The following EBF3 variants were observed in gnomAD, a reference collection of about 807,000 sequenced individuals.
The protein encoded by EBF3 is EBF transcription factor 3, also known as transcription factor COE3.
Under a neutral mutation model 77.1 loss-of-function variants are expected in EBF3, and 18 were observed. That is an observed-to-expected ratio of 0.23 (90% confidence interval 0.16 to 0.35). The LOEUF is 0.35. Ranked by LOEUF, EBF3 falls within the 10% of genes least tolerant of loss-of-function variation. EBF3 has a pLI of 1.00. For missense variants in EBF3, 558 were observed against 860.0 expected, an observed-to-expected ratio of 0.65 and a Z score of 4.39; for synonymous variants, 350 against 343.5, an observed-to-expected ratio of 1.02 and a Z score of -0.21.
intron 6 of EBF3, among the ~76,000 whole-genome samples, chr10:129,880,909 C>A (rs77795788): frequency 0.026 from 3,945 of 152,234 alleles, 180 homozygotes; most frequent in African/African-American, 0.088. Context: ...ACACACGGAG[C>A]AAATGTATGC....
At chr10:129,887,999 G>T (rs1011473281) in intron 6 of EBF3, among the ~76,000 whole-genome samples, 1 of 152,174 alleles carries the variant, frequency 6.6e-6, no homozygotes, top group Non-Finnish European at 1.5e-5. Flanking sequence ...CTCGTGGTTT[G>T]CTTATTTTTC....
Position 129,861,410 on chromosome 10 carries a change from A to T in EBF3, c.1039+5731T>A, listed in dbSNP as rs542553053. On this transcript the variant is annotated intron_variant, in intron 10 of 16. Transcript: ENST00000440978. This position sits in a 1 kb window ranked among gnomAD's most constrained non-coding sequence, Gnocchi z 4.3. ...GCGTCAGGAGAAGTTGTGTTGTTGGAGTCACGCATTATCTTGTGATTATCC... is the reference window on the plus strand; with the variant it reads ...GCGTCAGGAGAAGTTGTGTTGTTGGTGTCACGCATTATCTTGTGATTATCC... 5.3e-5 allele frequency among the ~76,000 whole-genome samples: 8 copies of T among 152,336 alleles called. No homozygotes were observed. The highest frequency in any genetic ancestry group is 1.2e-4 in the Non-Finnish European group (8 of 68,026).
At chr10:129,850,046 C>G (rs1305394142) in intron 10 of EBF3, among the ~76,000 whole-genome samples, 2 of 152,260 alleles carry the variant, frequency 1.3e-5, no homozygotes, top group Non-Finnish European at 2.9e-5. Flanking sequence ...GGCGCGTGCG[C>G]AGTCGCCCAG....
intron 6 of EBF3, among the ~76,000 whole-genome samples, chr10:129,945,659 C>T (rs563942681): frequency 7.1e-4 from 108 of 152,314 alleles, no homozygotes; most frequent in Middle Eastern, 3.4e-3. Context: ...AACCATGCGT[C>T]CAATCTGCGA....
rs1301245427 is a variant in EBF3 at position 129,964,118 on chromosome 10, G to T, written c.-350C>A. The T allele has an allele frequency of 1.0e-6, 1 of 984,908 alleles. No homozygotes were observed. The highest frequency in any genetic ancestry group is 1.7e-5 in the African/African-American group (1 of 57,194). The allele number at this position is 984,908 out of a possible 1,614,324, so 61.0% of individuals were successfully genotyped here. A position where few individuals can be genotyped will look rare whatever the true frequency, so the allele number is the denominator to read the frequency against. On this transcript the variant is annotated 5_prime_UTR_variant, in exon 1 of 17. Coordinates refer to ENST00000440978, the MANE Select transcript of EBF3 (RefSeq NM_001375380.1). This position sits in a 1 kb window ranked among gnomAD's most constrained non-coding sequence, Gnocchi z 4.5. Reference sequence around the variant, plus strand: ...CGCGGCTGCAGGACACTGCGGGATCGCCCGCTTCTGGCGCGGCCCGCCTGC... The same window carrying T: ...CGCGGCTGCAGGACACTGCGGGATCTCCCGCTTCTGGCGCGGCCCGCCTGC...
At chr10:129,838,459 AC>A (rs1246431988) in intron 16 of EBF3, among the ~76,000 whole-genome samples, 17 of 152,232 alleles carry the variant, frequency 1.1e-4, no homozygotes, top group African/African-American at 4.1e-4. Flanking sequence ...CTGGGCTCTG[AC>A]CGTGCGGTCA....
Position 129,842,012 on chromosome 10 carries a change from C to G in EBF3, c.1372+104G>C. The G allele has an allele frequency of 6.9e-7, 1 of 1,452,646 alleles. No individual in the cohort carries two copies. The highest frequency in any genetic ancestry group is 1.4e-5 in the African/African-American group (1 of 71,834). The allele number at this position is 1,452,646 out of a possible 1,614,324, so 90.0% of individuals were successfully genotyped here. ...CAGAGCCAGAGAGAACAGAACGCTA[C>G]GGACATTCCCCAGCTGGCCCTGGAC... is the stretch of plus-strand genomic sequence containing the variant. On this transcript the variant is annotated intron_variant, in intron 13 of 16. Transcript: ENST00000440978. This position sits in a 1 kb window ranked among gnomAD's most constrained non-coding sequence, Gnocchi z 4.4.
chr10:129,846,171 C>G (rs1850451081), intron 11 of EBF3, among the ~76,000 whole-genome samples: 2 of 149,418 alleles, frequency 1.3e-5, no homozygotes, highest in Admixed American at 1.3e-4. Context: ...ATTTATGCCA[C>G]TCCCACAGGA....
At chr10:129,914,665 C>T (rs535209426) in intron 6 of EBF3, among the ~76,000 whole-genome samples, 3 of 152,298 alleles carry the variant, frequency 2.0e-5, no homozygotes, top group East Asian at 3.9e-4. Context: ...ACTGTGCGGC[C>T]GGTCCATCTG....
At chr10:129,859,222 CT>C (rs945764398) in intron 10 of EBF3, among the ~76,000 whole-genome samples, 2 of 151,562 alleles carry the variant, frequency 1.3e-5, no homozygotes, top group Admixed American at 6.6e-5. Flanking sequence ...ACTCATTTTG[CT>C]TTTTTTTTGT....
chr10:129,927,800 T>G (rs889701756), intron 6 of EBF3, among the ~76,000 whole-genome samples: 5 of 152,204 alleles, frequency 3.3e-5, no homozygotes, highest in Non-Finnish European at 7.4e-5. Context: ...GAGAGTCTGC[T>G]ATGTAAGCAG....
intron 6 of EBF3, among the ~76,000 whole-genome samples, chr10:129,890,242 C>A (rs1049318063): frequency 2.6e-5 from 4 of 152,156 alleles, no homozygotes; most frequent in African/African-American, 9.7e-5. Flanking sequence ...TACAACAGAA[C>A]CTTCAGCAGA....
chr10:129,962,356 T>G, intron 3 of EBF3, 130 bp from the exon 4 acceptor site: 1 of 770,374 alleles, frequency 1.3e-6, no homozygotes, highest in South Asian at 1.6e-5. Context: ...GGCAATCCCT[T>G]TGAAAGGGAG....
At position 129,835,245 on chromosome 10, in the gene EBF3, C is replaced by T. The variant is rs978003639; in HGVS notation, c.*2698G>A. 3 of 152,536 alleles carry T rather than the reference C, an allele frequency of 2.0e-5. No individual in the cohort carries two copies. Among genetic ancestry groups the T allele is most frequent in the African/African-American group, 7.2e-5 (3 of 41,396 alleles). 9.4% of individuals were successfully genotyped at this position (152,536 alleles called of 1,614,324 possible). ...TGTAACTTTTATGTTAGTGTTTAGT[C>T]ATTTTAATAATCAAAAACAGAGAAA... On this transcript the variant is annotated 3_prime_UTR_variant, in exon 17 of 17. Transcript: ENST00000440978.
intron 4 of EBF3, 24 bp downstream of exon 4, chr10:129,962,147 G>A: frequency 7.4e-6 from 12 of 1,613,760 alleles, no homozygotes; most frequent in Non-Finnish European, 9.3e-6. Context: ...GTGAAAACTC[G>A]TGCAGAGGCA....
At chr10:129,840,584 T>A in intron 14 of EBF3, 142 bp from the exon 15 acceptor site, 1 of 1,035,580 alleles carries the variant, frequency 9.7e-7, no homozygotes, top group Non-Finnish European at 1.4e-6. Flanking sequence ...ACGCTCTGGA[T>A]AACAGGCAAG....
chr10:129,836,396 A>T lies in EBF3; in HGVS notation c.*1547T>A, dbSNP rs1020401745. 1 of 142,302 alleles carries T rather than the reference A, an allele frequency of 7.0e-6. No homozygotes were observed. The highest frequency in any genetic ancestry group is 1.6e-5 in the Non-Finnish European group (1 of 61,650). The allele number at this position is 142,302 out of a possible 1,614,324, so 8.8% of individuals were successfully genotyped here. A position where few individuals can be genotyped will look rare whatever the true frequency, so the allele number is the denominator to read the frequency against. On this transcript the variant is annotated 3_prime_UTR_variant, in exon 17 of 17. Coordinates refer to ENST00000440978, the MANE Select transcript of EBF3 (RefSeq NM_001375380.1). ...AATGACTTTTTACATTCTACAAAAAAATAAAATAAAATAAGGACACAGCCC... is the reference window on the plus strand; with the variant it reads ...AATGACTTTTTACATTCTACAAAAATATAAAATAAAATAAGGACACAGCCC...
intron 7 of EBF3, among the ~76,000 whole-genome samples, chr10:129,877,429 C>T (rs1852862682): frequency 6.9e-6 from 1 of 145,532 alleles, no homozygotes; most frequent in East Asian, 2.1e-4. Flanking sequence ...TGTAGTGAGC[C>T]AAGATCGCAC....
intron 6 of EBF3, among the ~76,000 whole-genome samples, chr10:129,887,121 A>C (rs1033748600): frequency 7.3e-5 from 11 of 150,954 alleles, no homozygotes; most frequent in Non-Finnish European, 1.3e-4. Flanking sequence ...GCCCACAAAG[A>C]AGCCCATACA....
Sources: allele counts gnomAD v4.1 joint callset (sites outside exome capture counted in the v4.1 genomes callset), GRCh38; gene constraint gnomAD v4.1.1; non-coding constraint Gnocchi (gnomAD v3.1); transcripts MANE v1.5; gene names NCBI Gene and HGNC (gene_info 2026-07-23, HGNC 2026-07-21).